Variants in TSHZ3 observed in about 807,000 individuals in gnomAD.
The protein encoded by TSHZ3 is teashirt zinc finger homeobox 3, also known as teashirt homolog 3.
TSHZ3 carries 10 observed loss-of-function variants against 64.5 expected under a neutral mutation model. The ratio of observed to expected loss-of-function variants is 0.16; its 90% CI spans 0.10 to 0.26. The LOEUF is 0.26. Ranked by LOEUF, TSHZ3 falls within the 10% of genes least tolerant of loss-of-function variation. The probability of loss-of-function intolerance (pLI) is 1.00; values close to 1 mark genes in which losing one functional copy is unlikely to be tolerated. For missense variants in TSHZ3, 1,242 were observed against 1,421.7 expected, an observed-to-expected ratio of 0.87 and a Z score of 2.03; for synonymous variants, 608 against 593.1, an observed-to-expected ratio of 1.03 and a Z score of -0.36.
intron 6 of TSHZ3, among the ~76,000 whole-genome samples, chr19:31,154,259 C>A (rs897109533): frequency 2.0e-5 from 3 of 152,202 alleles, no homozygotes; most frequent in Non-Finnish European, 2.9e-5. Flanking sequence ...TTGTGTACCA[C>A]TGACATGGTG....
intron 1 of TSHZ3, among the ~76,000 whole-genome samples, chr19:31,332,604 T>G (rs1221313728): frequency 6.6e-6 from 1 of 152,066 alleles, no homozygotes; most frequent in Non-Finnish European, 1.5e-5. Context: ...TTAGTCTCAG[T>G]TTGGTGGGGA....
intron 1 of TSHZ3, among the ~76,000 whole-genome samples, chr19:31,255,298 G>T (rs1343235906): frequency 1.3e-5 from 2 of 152,086 alleles, no homozygotes; most frequent in Non-Finnish European, 2.9e-5. Context: ...TCTGCAGGGG[G>T]ACACAGTAAG....
chr19:31,171,457 A>G lies in TSHZ3; in HGVS notation n.810-15040T>C, dbSNP rs1051068678. Among the ~76,000 whole-genome samples, 5 of 152,224 alleles carry G rather than the reference A, an allele frequency of 3.3e-5. No individual in the cohort carries two copies. The South Asian group carries it at 1.0e-3, about 32-fold the overall frequency. ...AATGTAACTATGTGTGGGAAAACTG[A>G]AATTAGGGAGCAGTCTGGAATCTCA... On this transcript the variant is annotated intron_variant and non_coding_transcript_variant, in intron 5 of 6. Transcript: ENST00000651361.
At chr19:31,281,267 G>A (rs964582504) in intron 1 of TSHZ3, among the ~76,000 whole-genome samples, 6 of 152,062 alleles carry the variant, frequency 3.9e-5, no homozygotes, top group Non-Finnish European at 7.4e-5. Context: ...ACAGTGAAAT[G>A]AGTCCCTTGA....
At chr19:31,238,446 G>A (rs2867593) in intron 3 of TSHZ3, among the ~76,000 whole-genome samples, 48,771 of 151,760 alleles carry the variant, frequency 0.32, 9,656 homozygotes, top group African/African-American at 0.55. Flanking sequence ...AGTAGACATG[G>A]GGTTTCACCA....
chr19:31,268,720 G>A (rs1257734645), intron 1 of TSHZ3, among the ~76,000 whole-genome samples: 1 of 152,154 alleles, frequency 6.6e-6, no homozygotes, highest in African/African-American at 2.4e-5. Context: ...TGGGTTGAAA[G>A]CAATGTGGGA....
intron 5 of TSHZ3, among the ~76,000 whole-genome samples, chr19:31,201,994 C>T (rs901296768): frequency 6.6e-6 from 1 of 151,952 alleles, no homozygotes; most frequent in African/African-American, 2.4e-5. Flanking sequence ...TGGCAGAACC[C>T]CATCTCTACT....
intron 4 of TSHZ3, among the ~76,000 whole-genome samples, chr19:31,213,746 T>C (rs1177518885): frequency 6.6e-6 from 1 of 152,030 alleles, no homozygotes; most frequent in Non-Finnish European, 1.5e-5. Context: ...AAAAACGCAA[T>C]GGAGGAGAGG....
chr19:31,338,480 T>G (rs1015471538), intron 1 of TSHZ3, among the ~76,000 whole-genome samples: 3 of 152,196 alleles, frequency 2.0e-5, no homozygotes, highest in Admixed American at 2.0e-4. Context: ...TCTTTACGTT[T>G]CTTCATTCTC....
intron 5 of TSHZ3, among the ~76,000 whole-genome samples, chr19:31,183,183 T>A (rs1225564400): frequency 1.6e-5 from 1 of 63,842 alleles, no homozygotes; most frequent in Non-Finnish European, 3.4e-5. Context: ...TGAGATTCTC[T>A]CTCTCTCTCT....
Position 31,279,780 on chromosome 19 carries a change from G to A in TSHZ3, c.41-28C>T. On this transcript the variant is annotated intron_variant, in intron 1 of 1. Coordinates refer to ENST00000240587, the MANE Select transcript of TSHZ3 (RefSeq NM_020856.4). The surrounding 1 kb of genome is among the most constrained non-coding windows in gnomAD (Gnocchi z 6.4). ...GCCATGATAACAGGTGGGAAAGAGA[G>A]ACAGGTAGGATGGAATGAAGAGAGA... 2.7e-6 allele frequency: 4 copies of A among 1,475,516 alleles called. No homozygotes were observed. The highest frequency in any genetic ancestry group is 3.6e-6 in the Non-Finnish European group (4 of 1,114,198). The allele number at this position is 1,475,516 out of a possible 1,614,324, so 91.4% of individuals were successfully genotyped here.
intron 1 of TSHZ3, among the ~76,000 whole-genome samples, chr19:31,285,713 G>A (rs1336045029): frequency 6.8e-6 from 1 of 148,140 alleles, no homozygotes; most frequent in Non-Finnish European, 1.5e-5. Flanking sequence ...GAACCTGGGA[G>A]GTGGAGACTG....
At chr19:31,155,330 G>A (rs754306568) in intron 6 of TSHZ3, among the ~76,000 whole-genome samples, 4 of 152,208 alleles carry the variant, frequency 2.6e-5, no homozygotes, top group Non-Finnish European at 5.9e-5. Context: ...TTACATAAGG[G>A]ATGCTGGAAC....
chr19:31,283,927 G>T lies in TSHZ3; in HGVS notation c.41-4175C>A, dbSNP rs77313971. On this transcript the variant is annotated intron_variant, in intron 1 of 1. Coordinates refer to ENST00000240587, the MANE Select transcript of TSHZ3 (RefSeq NM_020856.4). ...TGCAGATGGTGAGAAGTCAACAGGG[G>T]TGTGGGGCAGGGCTGTCGAGAACCT... Among the ~76,000 whole-genome samples the T allele has an allele frequency of 0.016, 2,479 of 152,264 alleles. 154 individuals carry two copies. The East Asian group carries it at 0.2, about 12-fold the overall frequency.
In TSHZ3 at chr19:31,276,698, G is replaced by A. The variant is rs964015490; in HGVS notation, c.3095C>T (p.Ser1032Phe). 7.4e-6 allele frequency: 12 copies of A among 1,613,696 alleles called. No individual in the cohort carries two copies. The highest frequency in any genetic ancestry group is 5.0e-5 in the Admixed American group (3 of 59,996). The part of the protein sequence containing the change: ...KSPSEKMVTS[S>F]PEEDLGTSYQ... ...GGAAGTCCCCAGGTCTTCCTCGGGG[G>A]AGGACGTCACCATTTTTTCTGACGG... Residue 1032 changes from serine (S) to phenylalanine (F), a missense_variant, in exon 2 of 2, where the codon TCC becomes TTC. This residue lies in a region of TSHZ3 where 126 missense variants were observed against 140.6 expected (regional missense o/e 0.90). Coordinates refer to ENST00000240587, the MANE Select transcript of TSHZ3 (RefSeq NM_020856.4).
At chr19:31,234,140 A>G (rs1357005409) in intron 3 of TSHZ3, among the ~76,000 whole-genome samples, 1 of 152,088 alleles carries the variant, frequency 6.6e-6, no homozygotes, top group Non-Finnish European at 1.5e-5. Flanking sequence ...GCTTTCATCA[A>G]ATTAACTCCC....
At chr19:31,321,474 C>T (rs1916769901) in intron 1 of TSHZ3, among the ~76,000 whole-genome samples, 1 of 152,228 alleles carries the variant, frequency 6.6e-6, no homozygotes, top group Non-Finnish European at 1.5e-5. Flanking sequence ...TCTGGTTACT[C>T]TTATGAAATC....
At chr19:31,164,406 A>G (rs2145106840) in intron 5 of TSHZ3, among the ~76,000 whole-genome samples, 1 of 152,152 alleles carries the variant, frequency 6.6e-6, no homozygotes, top group East Asian at 1.9e-4. Context: ...AAGAAACACT[A>G]ATATTTCTTT....
intron 5 of TSHZ3, among the ~76,000 whole-genome samples, chr19:31,188,648 T>G (rs1974851353): frequency 6.6e-6 from 1 of 152,006 alleles, no homozygotes; most frequent in Non-Finnish European, 1.5e-5. Context: ...CAATCTGATG[T>G]TCCATTAATA....
Sources: allele counts gnomAD v4.1 joint callset (sites outside exome capture counted in the v4.1 genomes callset), GRCh38; gene constraint gnomAD v4.1.1; regional missense constraint gnomAD v4.1.1; non-coding constraint Gnocchi (gnomAD v3.1); transcripts MANE v1.5; gene names NCBI Gene and HGNC (gene_info 2026-07-23, HGNC 2026-07-21).